CEP135: variants seen among roughly 807,000 people sequenced by gnomAD.
CEP135 encodes centrosomal protein of 135 kDa.
CEP135 carries 142 observed loss-of-function variants against 157.3 expected under a neutral mutation model. The observed-to-expected ratio is 0.90, with a 90% CI of 0.79 to 1.04. CEP135 has a LOEUF of 1.04. CEP135 is among the 50% of genes least tolerant of loss of function. CEP135 has a pLI of 0.00. For missense variants in CEP135, 1,317 were observed against 1,309.2 expected (o/e 1.01, Z -0.09); for synonymous variants, 396 against 439.8 (o/e 0.90, Z 1.25).
At chr4:55,958,937 T>C (rs1169084357) in intron 5 of CEP135, among the ~76,000 whole-genome samples, 1 of 152,072 alleles carries the variant, frequency 6.6e-6, no homozygotes, top group African/African-American at 2.4e-5. Context: ...ATTTAAAAAT[T>C]ACCCAAGTGT....
In CEP135 at chr4:55,974,937, G is replaced by GA. The variant is rs34965077; in HGVS notation, c.1447dup (p.Ser483LysfsTer5). On this transcript the variant is annotated frameshift_variant, in exon 11 of 26. Coordinates refer to ENST00000257287, the MANE Select transcript of CEP135 (RefSeq NM_025009.5). LOFTEE classifies it high-confidence loss of function. Reference sequence around the variant, plus strand: ...TTGCTCTACAAGTTATAGCGCACGTGAAAAAAGTTCAATATTTAGAACACC... The same window carrying GA: ...TTGCTCTACAAGTTATAGCGCACGTGAAAAAAAGTTCAATATTTAGAACACC... The GA allele has an allele frequency of 1.2e-6, 2 of 1,605,290 alleles. No individual in the cohort carries two copies. The highest frequency in any genetic ancestry group is 8.5e-7 in the Non-Finnish European group (1 of 1,175,024).
chr4:55,971,526 A>G (rs1463937953), intron 10 of CEP135, 118 bp downstream of exon 10: 35 of 972,498 alleles, frequency 3.6e-5, no homozygotes, highest in Non-Finnish European at 5.1e-5. Context: ...AGTGCTTACC[A>G]TTAGTCAAAA....
intron 13 of CEP135, 91 bp downstream of exon 13, chr4:55,981,470 A>T: frequency 8.9e-7 from 1 of 1,123,414 alleles, no homozygotes; most frequent in Non-Finnish European, 1.2e-6. Context: ...TATTGGCCAA[A>T]TCCAGACCAC....
chr4:55,956,740 A>G (rs547335477), intron 4 of CEP135, among the ~76,000 whole-genome samples: 1 of 152,208 alleles, frequency 6.6e-6, no homozygotes, highest in Admixed American at 6.5e-5. Context: ...CCTCCCAAGT[A>G]GCTGGGATTA....
chr4:55,957,591 C>T (rs1728547891), intron 5 of CEP135, among the ~76,000 whole-genome samples: 1 of 152,186 alleles, frequency 6.6e-6, no homozygotes, highest in African/African-American at 2.4e-5. Context: ...TTCATACTGG[C>T]TTAAAAATTA....
intron 15 of CEP135, among the ~76,000 whole-genome samples, chr4:55,995,237 G>A (rs760620672): frequency 3.3e-5 from 5 of 152,142 alleles, no homozygotes; most frequent in Non-Finnish European, 7.3e-5. Context: ...TTAGAGCTGA[G>A]GTCAACAGTC....
intron 12 of CEP135, among the ~76,000 whole-genome samples, chr4:55,980,944 C>A (rs1042681169): frequency 3.3e-5 from 5 of 152,086 alleles, no homozygotes; most frequent in Admixed American, 6.6e-5. Flanking sequence ...GGGCTTTCCC[C>A]ATTGCTAGCT....
At chr4:56,000,826 T>C (rs1402695153) in intron 17 of CEP135, among the ~76,000 whole-genome samples, 1 of 152,184 alleles carries the variant, frequency 6.6e-6, no homozygotes, top group Non-Finnish European at 1.5e-5. Context: ...GGAACCTTCA[T>C]ACACTGTTTT....
chr4:55,965,714 C>T lies in CEP135; in HGVS notation c.899C>T (p.Thr300Ile). Reference sequence around the variant, plus strand: ...CGAGAGCTTATGGAAACCAAGGAAACAGTGACATCTGAAGTCGTTAATTTA... The same window carrying T: ...CGAGAGCTTATGGAAACCAAGGAAATAGTGACATCTGAAGTCGTTAATTTA... ...RIRELMETKE[T>I]VTSEVVNLSN... The change falls in exon 8 of 26, where the codon ACA (threonine) becomes ATA (isoleucine). Residue 300 changes from threonine (T) to isoleucine (I), a missense_variant. Transcript: ENST00000257287. The T allele has an allele frequency of 6.2e-7, 1 of 1,613,830 alleles. No homozygotes were observed. Among genetic ancestry groups the T allele is most frequent in the Non-Finnish European group, 8.5e-7 (1 of 1,179,878 alleles).
chr4:55,954,485 GAC>G (rs1252062230), intron 4 of CEP135, 102 bp downstream of exon 4: 18 of 974,250 alleles, frequency 1.8e-5, no homozygotes, highest in Admixed American at 2.8e-5. Flanking sequence ...TTCATGCTTA[GAC>G]TTTAGTGTTT....
Position 55,965,648 on chromosome 4 carries a change from A to T in CEP135, c.833A>T (p.Asp278Val), listed in dbSNP as rs1728817105. Residue 278 changes from aspartate to valine, a missense_variant, in exon 8 of 26, where the codon GAC becomes GTC. Physicochemically the swap from Asp to Val is radical, Grantham distance 152. Coordinates refer to ENST00000257287, the MANE Select transcript of CEP135 (RefSeq NM_025009.5). ...KLIAHLNIQVDFLQQANKDLE... is the reference protein window; with the variant it reads ...KLIAHLNIQVVFLQQANKDLE... ...TAAATTACAACTCCAATTTAGGTTG[A>T]CTTTCTTCAGCAAGCTAATAAAGAC... 5.0e-6 allele frequency: 8 copies of T among 1,601,256 alleles called. No homozygotes were observed. The highest frequency in any genetic ancestry group is 6.8e-6 in the Non-Finnish European group (8 of 1,176,388).
intron 15 of CEP135, among the ~76,000 whole-genome samples, chr4:55,996,718 T>TA (rs1017964233): frequency 1.3e-3 from 194 of 152,178 alleles, no homozygotes; most frequent in Non-Finnish European, 2.4e-3. Context: ...CTCCGTCTTT[T>TA]TTTTTTTTTT....
intron 13 of CEP135, 110 bp from the exon 14 acceptor site, chr4:55,985,171 A>G: frequency 2.0e-6 from 1 of 492,106 alleles, no homozygotes; most frequent in Non-Finnish European, 3.7e-6. Flanking sequence ...TCTGTGTTTT[A>G]TGAAAGGACA....
In CEP135 at chr4:55,981,310, A is replaced by T. The variant is rs560039084; in HGVS notation, c.1710A>T (p.Glu570Asp). ...ATATTGTTAGTCTTATGGAAAAGGA[A>T]AAAGAACTTGCGTTATCTGACTTAA... ...PHNIVSLMEK[E>D]KELALSDLRR... The change falls in exon 13 of 26, where the codon GAA becomes GAT. Residue 570 changes from glutamate (E) to aspartate (D), a missense_variant. By Grantham distance (45) the Glu-to-Asp change is conservative. Transcript: ENST00000257287. The T allele has an allele frequency of 1.3e-6, 2 of 1,598,648 alleles. No individual in the cohort carries two copies. Among genetic ancestry groups the T allele is most frequent in the African/African-American group, 1.4e-5 (1 of 73,872 alleles).
At position 55,970,200 on chromosome 4, in the gene CEP135, A is replaced by G. The variant is rs1040975105; in HGVS notation, c.1111-1070A>G. Among the ~76,000 whole-genome samples, 5 of 152,222 alleles carry G rather than the reference A, an allele frequency of 3.3e-5. No homozygotes were observed. In the East Asian group the frequency reaches 7.7e-4, roughly 23 times the overall value. On this transcript the variant is annotated intron_variant, in intron 9 of 25. Coordinates refer to ENST00000257287, the MANE Select transcript of CEP135 (RefSeq NM_025009.5). Reference sequence around the variant, plus strand: ...TCCTCTTTTAATAGCTTTGTTTGGTAATACAAACCATTTTCCTAGTCACAT... The same window carrying G: ...TCCTCTTTTAATAGCTTTGTTTGGTGATACAAACCATTTTCCTAGTCACAT...
At chr4:56,018,052 C>T (rs920379376) in intron 22 of CEP135, among the ~76,000 whole-genome samples, 195 bp downstream of exon 22, 2 of 152,114 alleles carry the variant, frequency 1.3e-5, no homozygotes, top group African/African-American at 4.8e-5. Context: ...CAACTTCCGC[C>T]TCCTGGGTTC....
At chr4:55,968,110 A>C (rs1250377800) in intron 8 of CEP135, among the ~76,000 whole-genome samples, 2 of 152,224 alleles carry the variant, frequency 1.3e-5, no homozygotes, top group Non-Finnish European at 2.9e-5. Context: ...TTTTCTATAC[A>C]CTAAGAATAA....
intron 13 of CEP135, among the ~76,000 whole-genome samples, chr4:55,982,217 A>G (rs776022386): frequency 9.9e-5 from 15 of 152,164 alleles, no homozygotes; most frequent in Admixed American, 2.0e-4. Flanking sequence ...GTGATTTTTA[A>G]ATGTCTGACT....
At chr4:55,953,016 G>C in intron 2 of CEP135, 69 bp from the exon 3 acceptor site, 2 of 1,322,560 alleles carry the variant, frequency 1.5e-6, no homozygotes, top group Non-Finnish European at 2.0e-6. Context: ...AGCCTCTTTA[G>C]AAATATGTTT....
Sources: allele counts gnomAD v4.1 joint callset (sites outside exome capture counted in the v4.1 genomes callset), GRCh38; gene constraint gnomAD v4.1.1; transcripts MANE v1.5; gene names NCBI Gene and HGNC (gene_info 2026-07-23, HGNC 2026-07-21).